The following SPATA13 variants were observed in gnomAD, a reference collection of about 807,000 sequenced individuals.
The protein encoded by SPATA13 is spermatogenesis associated 13, also known as spermatogenesis-associated protein 13.
In SPATA13, 50 loss-of-function variants were observed where a neutral mutation model predicts 104.0. That is an observed-to-expected ratio of 0.48 (90% confidence interval 0.38 to 0.61). SPATA13 has a LOEUF of 0.61. Ranked by LOEUF, SPATA13 falls within the 20% of genes least tolerant of loss-of-function variation. The pLI, the probability that SPATA13 is intolerant of heterozygous loss-of-function variation, is 0.00. For synonymous variants in SPATA13, 606 were observed against 667.5 expected (o/e 0.91, Z 1.42); for missense variants, 1,524 against 1,690.6 (o/e 0.90, Z 1.73).
chr13:24,300,122 C>T (rs1244410602), intron 11 of SPATA13, among the ~76,000 whole-genome samples: 3 of 152,162 alleles, frequency 2.0e-5, no homozygotes, highest in Non-Finnish European at 4.4e-5. Flanking sequence ...TGCCCGGGAG[C>T]GTCGGGCTTC....
chr13:24,224,618 C>G (rs1240204208), intron 2 of SPATA13, 36 bp downstream of exon 2: 4 of 1,534,914 alleles, frequency 2.6e-6, no homozygotes, highest in Non-Finnish European at 3.5e-6. Flanking sequence ...TGTGGGCGAC[C>G]CTCCTGCGGG....
In SPATA13 at chr13:24,223,972, G is replaced by C. The variant is rs755593095; in HGVS notation, c.1043G>C (p.Ser348Thr). The change falls in exon 2 of 13, where the codon AGC becomes ACC. Residue 348 changes from serine to threonine, a missense_variant. Around this residue, in one of 2 missense-constraint regions of SPATA13, gnomAD observed 1,089 missense variants for 1,135.9 expected, o/e 0.96. Transcript: ENST00000382108. ...GGGGCCCCATCCCCTGGAGAGGCCA[G>C]CCTGAGACTTCAGGCACACAGCCGG... ...RSGAPSPGEA[S>T]LRLQAHSRLH... The C allele has an allele frequency of 6.5e-7, 1 of 1,549,342 alleles. No individual in the cohort carries two copies. The highest frequency in any genetic ancestry group is 1.2e-5 in the South Asian group (1 of 83,946).
At chr13:24,249,884 C>G in intron 3 of SPATA13, 42 bp downstream of exon 3, 1 of 1,539,192 alleles carries the variant, frequency 6.5e-7, no homozygotes. Flanking sequence ...CAGAGGCCCT[C>G]CAGCTTCCTG....
At chr13:24,119,139 C>T (rs1165364947) in intron 3 of SPATA13, among the ~76,000 whole-genome samples, 1 of 152,058 alleles carries the variant, frequency 6.6e-6, no homozygotes, top group East Asian at 1.9e-4. Flanking sequence ...GATCTCCTGA[C>T]CTTGTGATCT....
chr13:24,027,380 G>T (rs1423528986), intron 3 of SPATA13, among the ~76,000 whole-genome samples: 1 of 151,812 alleles, frequency 6.6e-6, no homozygotes, highest in Admixed American at 6.6e-5. Context: ...TGATCCACCC[G>T]CCTCGGCCTC....
chr13:24,200,115 T>C (rs949480479), intron 1 of SPATA13, among the ~76,000 whole-genome samples: 1 of 152,192 alleles, frequency 6.6e-6, no homozygotes, highest in Non-Finnish European at 1.5e-5. Context: ...TACAAACCCC[T>C]TCAACGGGCA....
chr13:24,061,416 C>T (rs764011125), intron 3 of SPATA13, among the ~76,000 whole-genome samples: 1 of 152,080 alleles, frequency 6.6e-6, no homozygotes, highest in Non-Finnish European at 1.5e-5. Context: ...CACATGCATA[C>T]GAATGCTCAT....
At chr13:24,014,662 TCTC>T (rs1388274165) in intron 2 of SPATA13, among the ~76,000 whole-genome samples, 11 of 152,316 alleles carry the variant, frequency 7.2e-5, no homozygotes, top group Middle Eastern at 3.4e-3. Context: ...GTGTATGTCT[TCTC>T]CTAAAATTTA....
At chr13:24,024,272 CT>C (rs1877105336) in intron 3 of SPATA13, among the ~76,000 whole-genome samples, 1 of 142,874 alleles carries the variant, frequency 7.0e-6, no homozygotes, top group Admixed American at 7.2e-5. Context: ...GACTATAGGA[CT>C]TTGAATGAAA....
intron 3 of SPATA13, among the ~76,000 whole-genome samples, chr13:24,107,156 A>C (rs1299164877): frequency 6.7e-6 from 1 of 148,426 alleles, no homozygotes; most frequent in Non-Finnish European, 1.5e-5. Context: ...AAATTAAAGC[A>C]GATATTAAGT....
chr13:24,302,705 G>A lies in SPATA13; in HGVS notation c.3766G>A (p.Ala1256Thr), dbSNP rs1030752431. Residue 1256 changes from alanine (A) to threonine (T), a missense_variant, in exon 13 of 13, where the codon GCG (alanine) becomes ACG (threonine). By Grantham distance (58) the Ala-to-Thr change is moderately conservative. Transcript: ENST00000382108. ...CCCCCAGCAGCAGGTCTTTGGCCTG[G>A]CGGAACCCAAGAGGAAGTCCTCGCT... ...SVPQQQVFGLAEPKRKSSLFW... is the reference protein window; with the variant it reads ...SVPQQQVFGLTEPKRKSSLFW... 1.9e-6 allele frequency: 3 copies of A among 1,613,950 alleles called. No individual in the cohort carries two copies. Among genetic ancestry groups the A allele is most frequent in the Admixed American group, 3.3e-5 (2 of 59,982 alleles).
chr13:23,983,309 A>G (rs1449550402), intron 1 of SPATA13, among the ~76,000 whole-genome samples: 1 of 152,110 alleles, frequency 6.6e-6, no homozygotes, highest in Non-Finnish European at 1.5e-5. Flanking sequence ...TCATCCTTCT[A>G]TATTGTCTGT....
intron 3 of SPATA13, among the ~76,000 whole-genome samples, chr13:24,068,805 T>C (rs1879058825): frequency 6.6e-6 from 1 of 152,212 alleles, no homozygotes; most frequent in South Asian, 2.1e-4. Context: ...GTTGGCCGCA[T>C]GTATGTCTTC....
chr13:24,193,920 T>C (rs1415184152), intron 1 of SPATA13, among the ~76,000 whole-genome samples: 1 of 152,150 alleles, frequency 6.6e-6, no homozygotes, highest in Non-Finnish European at 1.5e-5. Context: ...TTTTAACACA[T>C]TGTGATGAGT....
intron 1 of SPATA13, among the ~76,000 whole-genome samples, chr13:24,222,406 A>C (rs1223358203): frequency 6.6e-6 from 1 of 152,120 alleles, no homozygotes; most frequent in African/African-American, 2.4e-5. Flanking sequence ...GATTCAACAC[A>C]GGCTGCCATT....
At chr13:24,031,634 T>C (rs1456540816) in intron 3 of SPATA13, among the ~76,000 whole-genome samples, 4 of 152,318 alleles carry the variant, frequency 2.6e-5, no homozygotes, top group East Asian at 3.9e-4. Context: ...ACAATGAACA[T>C]ACATTGAGCT....
chr13:24,226,783 T>C (rs1431925814), intron 2 of SPATA13, among the ~76,000 whole-genome samples: 1 of 152,218 alleles, frequency 6.6e-6, no homozygotes, highest in Non-Finnish European at 1.5e-5. Context: ...CTCTGCACTG[T>C]CCATCTTGAC....
At position 24,306,702 on chromosome 13, in the gene SPATA13, C is replaced by T. The variant is rs1877598875; in HGVS notation, c.*3929C>T. 6.6e-6 allele frequency: 1 copy of T among 151,896 alleles called. No individual in the cohort carries two copies. The highest frequency in any genetic ancestry group is 1.5e-5 in the Non-Finnish European group (1 of 67,984). The allele number at this position is 151,896 out of a possible 1,614,324, so 9.4% of individuals were successfully genotyped here. ...GCTACAACATACTTTACATTGTTGC[C>T]TTTAGTTATCTCACAGGCACTGACA... On this transcript the variant is annotated 3_prime_UTR_variant, in exon 13 of 13. Coordinates refer to ENST00000382108, the MANE Select transcript of SPATA13 (RefSeq NM_001166271.3).
chr13:24,082,997 A>G (rs141058942), intron 3 of SPATA13, among the ~76,000 whole-genome samples: 5 of 152,326 alleles, frequency 3.3e-5, no homozygotes, highest in African/African-American at 9.6e-5. Context: ...CTGACTATAA[A>G]TCTAAATGTT....
Sources: allele counts gnomAD v4.1 joint callset (sites outside exome capture counted in the v4.1 genomes callset), GRCh38; gene constraint gnomAD v4.1.1; regional missense constraint gnomAD v4.1.1; transcripts MANE v1.5; gene names NCBI Gene and HGNC (gene_info 2026-07-23, HGNC 2026-07-21).